ZFPM1: variants seen among roughly 807,000 people sequenced by gnomAD.
ZFPM1 encodes the protein zinc finger protein ZFPM1.
ZFPM1 carries 28 observed loss-of-function variants against 46.3 expected under a neutral mutation model. That is an observed-to-expected ratio of 0.60 (90% CI 0.45 to 0.83). ZFPM1 has a LOEUF of 0.83. Among genes scored for constraint, ZFPM1 ranks in the 40% least tolerant of loss-of-function variants. ZFPM1 has a pLI of 0.00. For missense variants in ZFPM1, 1,878 were observed against 1,432.4 expected, an observed-to-expected ratio of 1.31 and a Z score of -5.02; for synonymous variants, 957 against 675.9, an observed-to-expected ratio of 1.42 and a Z score of -6.45.
intron 3 of ZFPM1, among the ~76,000 whole-genome samples, chr16:88,506,355 G>C (rs1223211480): frequency 6.6e-6 from 1 of 152,124 alleles, no homozygotes; most frequent in Non-Finnish European, 1.5e-5. Flanking sequence ...TGATGGGCCT[G>C]GGGTCTTCTA....
intron 1 of ZFPM1, among the ~76,000 whole-genome samples, chr16:88,474,513 GC>G (rs2142358678): frequency 6.6e-6 from 1 of 151,994 alleles, no homozygotes; most frequent in East Asian, 1.9e-4. Flanking sequence ...AAAGCCTCCA[GC>G]CCCCTGCCTC....
intron 1 of ZFPM1, among the ~76,000 whole-genome samples, chr16:88,463,691 G>C (rs1908000510): frequency 6.6e-6 from 1 of 152,378 alleles, no homozygotes. Flanking sequence ...CAAATATTTT[G>C]AGGAGGGAAC....
Position 88,534,044 on chromosome 16 carries a change from G to A in ZFPM1, c.2086G>A (p.Glu696Lys), listed in dbSNP as rs762591257. 4.5e-6 allele frequency: 6 copies of A among 1,345,014 alleles called. No individual in the cohort carries two copies. The East Asian group carries it at 2.2e-4, about 50-fold the overall frequency. The allele number at this position is 1,345,014 out of a possible 1,614,324, so 83.3% of individuals were successfully genotyped here. Reference protein sequence around the residue: ...EACNIRFSRHETYTVHKRYYC... With the variant: ...EACNIRFSRHKTYTVHKRYYC... Reference sequence around the variant, plus strand: ...CTGCAACATCCGCTTCAGCCGCCACGAGACCTACACCGTGCACAAGCGGTA... The same window carrying A: ...CTGCAACATCCGCTTCAGCCGCCACAAGACCTACACCGTGCACAAGCGGTA... Residue 696 changes from glutamate to lysine, a missense_variant, in exon 10 of 10, where the codon GAG becomes AAG. By Grantham distance (56) the Glu-to-Lys change is moderately conservative. Transcript: ENST00000319555.
intron 3 of ZFPM1, among the ~76,000 whole-genome samples, chr16:88,508,836 G>A (rs116839838): frequency 2.0e-5 from 3 of 152,266 alleles, no homozygotes; most frequent in African/African-American, 7.2e-5. Flanking sequence ...CTTTGGAGCC[G>A]GTGACCTTGG....
At chr16:88,503,665 T>TAAACCA (rs1910501282) in intron 3 of ZFPM1, among the ~76,000 whole-genome samples, 1 of 152,186 alleles carries the variant, frequency 6.6e-6, no homozygotes, top group African/African-American at 2.4e-5. Context: ...GGCAGCACCC[T>TAAACCA]CTGTGGCTTC....
At chr16:88,489,506 G>A (rs1909434976) in intron 3 of ZFPM1, among the ~76,000 whole-genome samples, 3 of 152,214 alleles carry the variant, frequency 2.0e-5, no homozygotes, top group Admixed American at 2.0e-4. Flanking sequence ...CGTCTGAGCT[G>A]CCCGGGCCCG....
rs1333339150 is a variant in ZFPM1 at position 88,534,582 on chromosome 16, T to G, written c.2624T>G (p.Leu875Arg). 7.8e-7 allele frequency: 1 copy of G among 1,280,138 alleles called. No homozygotes were observed. The allele number at this position is 1,280,138 out of a possible 1,614,324, so 79.3% of individuals were successfully genotyped here. A position where few individuals can be genotyped will look rare whatever the true frequency, so the allele number is the denominator to read the frequency against. The change falls in exon 10 of 10, where the codon CTG becomes CGG. Residue 875 changes from leucine to arginine, a missense_variant. Coordinates refer to ENST00000319555, the MANE Select transcript of ZFPM1 (RefSeq NM_153813.3). ...GGGGACCTGCTGGAGCATTTCCGCC[T>G]GGCGCACGGCCTGCTGCTCGGCGCG... ...VRGDLLEHFR[L>R]AHGLLLGAPL...
intron 3 of ZFPM1, among the ~76,000 whole-genome samples, chr16:88,508,246 G>A (rs550404988): frequency 6.6e-5 from 10 of 152,296 alleles, no homozygotes; most frequent in Middle Eastern, 3.4e-3. Context: ...GCAGTGAGCC[G>A]AGATTGCACC....
chr16:88,476,964 T>C (rs974523406), intron 1 of ZFPM1, among the ~76,000 whole-genome samples: 1 of 152,214 alleles, frequency 6.6e-6, no homozygotes, highest in African/African-American at 2.4e-5. Context: ...AGACACACAG[T>C]GTGATAGCGA....
chr16:88,520,044 G>C (rs1367670138), intron 4 of ZFPM1, among the ~76,000 whole-genome samples: 5 of 151,722 alleles, frequency 3.3e-5, no homozygotes, highest in African/African-American at 1.2e-4. Context: ...TAACCAGGTG[G>C]ATGTATGCAT....
At chr16:88,459,038 C>G (rs140505605) in intron 1 of ZFPM1, among the ~76,000 whole-genome samples, 1 of 152,232 alleles carries the variant, frequency 6.6e-6, no homozygotes, top group Non-Finnish European at 1.5e-5. Flanking sequence ...AGCCGGCGCC[C>G]GTCAGGGCTG....
intron 1 of ZFPM1, among the ~76,000 whole-genome samples, chr16:88,481,393 A>G (rs1054269801): frequency 6.6e-6 from 1 of 152,096 alleles, no homozygotes; most frequent in African/African-American, 2.4e-5. Context: ...TCTGAAACCC[A>G]GCCCCAAGTT....
At chr16:88,491,024 T>C (rs577336725) in intron 3 of ZFPM1, among the ~76,000 whole-genome samples, 1 of 146,382 alleles carries the variant, frequency 6.8e-6, no homozygotes, top group African/African-American at 2.6e-5. Flanking sequence ...TTCGGGGCTC[T>C]CGGTCAGGCG....
At chr16:88,461,590 G>C (rs1907894020) in intron 1 of ZFPM1, among the ~76,000 whole-genome samples, 1 of 152,146 alleles carries the variant, frequency 6.6e-6, no homozygotes, top group Non-Finnish European at 1.5e-5. Context: ...GGGAAGGGCT[G>C]TCCTAGGGAC....
chr16:88,520,313 T>G lies in ZFPM1; in HGVS notation c.402+5793T>G, dbSNP rs568253490. 2.0e-5 allele frequency among the ~76,000 whole-genome samples: 3 copies of G among 146,892 alleles called. No homozygotes were observed. In the South Asian group the frequency reaches 6.5e-4, roughly 32 times the overall value. Reference sequence around the variant, plus strand: ...GTAGGTGGATGGATGCGTGGGTGAGTGGGTGAAGGAGGGGTGGATAGATGG... The same window carrying G: ...GTAGGTGGATGGATGCGTGGGTGAGGGGGTGAAGGAGGGGTGGATAGATGG... On this transcript the variant is annotated intron_variant, in intron 4 of 9. Coordinates refer to ENST00000319555, the MANE Select transcript of ZFPM1 (RefSeq NM_153813.3).
chr16:88,509,037 C>T (rs371380213), intron 3 of ZFPM1, among the ~76,000 whole-genome samples: 146 of 152,272 alleles, frequency 9.6e-4, no homozygotes, highest in African/African-American at 3.3e-3. Flanking sequence ...TCCCGTGTGA[C>T]CCTGGGGAGC....
At chr16:88,492,897 G>A (rs1909658801) in intron 3 of ZFPM1, among the ~76,000 whole-genome samples, 1 of 152,214 alleles carries the variant, frequency 6.6e-6, no homozygotes, top group Non-Finnish European at 1.5e-5. Context: ...GAGTTCCTGG[G>A]CACACAAGGA....
At chr16:88,531,366 T>C (rs1284610135) in intron 6 of ZFPM1, among the ~76,000 whole-genome samples, 1 of 152,192 alleles carries the variant, frequency 6.6e-6, no homozygotes, top group Non-Finnish European at 1.5e-5. Flanking sequence ...TCAACAGTTA[T>C]AAGCAGCCCA....
chr16:88,518,146 G>A (rs112944690), intron 4 of ZFPM1, among the ~76,000 whole-genome samples: 12,329 of 151,906 alleles, frequency 0.081, 1,083 homozygotes, highest in African/African-American at 0.22. Context: ...CGGAGCTTGC[G>A]GTAAGCCAAG....
Sources: allele counts gnomAD v4.1 joint callset (sites outside exome capture counted in the v4.1 genomes callset), GRCh38; gene constraint gnomAD v4.1.1; transcripts MANE v1.5; gene names NCBI Gene and HGNC (gene_info 2026-07-23, HGNC 2026-07-21).